CRIM1: variants seen among roughly 807,000 people sequenced by gnomAD.
CRIM1 encodes cysteine rich transmembrane BMP regulator 1, also known as cysteine-rich motor neuron 1 protein.
In CRIM1, 32 loss-of-function variants were observed where a neutral mutation model predicts 116.4. The observed-to-expected ratio is 0.27, with a 90% CI of 0.21 to 0.37. The LOEUF (loss-of-function observed/expected upper bound fraction) is 0.37, where lower values mean the gene tolerates loss of function less well. CRIM1 is among the 10% of genes least tolerant of loss of function. The pLI is 1.00. For missense variants in CRIM1, 1,331 were observed against 1,354.8 expected, an observed-to-expected ratio of 0.98 and a Z score of 0.28; for synonymous variants, 590 against 509.2, an observed-to-expected ratio of 1.16 and a Z score of -2.13.
At chr2:36,397,263 G>A (rs568972521) in intron 2 of CRIM1, among the ~76,000 whole-genome samples, 5 of 152,338 alleles carry the variant, frequency 3.3e-5, no homozygotes, top group South Asian at 4.1e-4. Context: ...CACATAGGGC[G>A]TGGAGGGATC....
intron 4 of CRIM1, among the ~76,000 whole-genome samples, chr2:36,461,821 C>G (rs1323568365): frequency 6.6e-6 from 1 of 152,130 alleles, no homozygotes; most frequent in African/African-American, 2.4e-5. Flanking sequence ...TGCTATTTGA[C>G]CATTTCGAAC....
intron 1 of CRIM1, 57 bp from the exon 2 acceptor site, chr2:36,396,557 A>C: frequency 8.1e-7 from 1 of 1,235,262 alleles, no homozygotes; most frequent in Non-Finnish European, 1.1e-6. Context: ...TTGCCCGCGA[A>C]CAGGCCTTTG....
At chr2:36,519,280 C>T (rs1461753048) in intron 12 of CRIM1, among the ~76,000 whole-genome samples, 1 of 152,172 alleles carries the variant, frequency 6.6e-6, no homozygotes, top group East Asian at 1.9e-4. Flanking sequence ...ACATGGGTGG[C>T]ATGTGCAGAG....
intron 7 of CRIM1, among the ~76,000 whole-genome samples, chr2:36,492,288 A>T (rs1357784152): frequency 6.6e-6 from 1 of 152,174 alleles, no homozygotes; most frequent in South Asian, 2.1e-4. Flanking sequence ...AATTACAAGG[A>T]TGTAGGTGTT....
At chr2:36,503,897 G>T (rs954731673) in intron 8 of CRIM1, among the ~76,000 whole-genome samples, 1 of 151,616 alleles carries the variant, frequency 6.6e-6, no homozygotes, top group South Asian at 2.1e-4. Context: ...TTTATACAGG[G>T]TCTTGCTTTG....
At chr2:36,427,884 C>G (rs1287537332) in intron 2 of CRIM1, among the ~76,000 whole-genome samples, 1 of 152,192 alleles carries the variant, frequency 6.6e-6, no homozygotes, top group Non-Finnish European at 1.5e-5. Context: ...CGAGGCTCCG[C>G]CTGTGTGGCT....
chr2:36,450,117 C>G (rs1481555102), intron 4 of CRIM1, among the ~76,000 whole-genome samples: 1 of 152,156 alleles, frequency 6.6e-6, no homozygotes, highest in African/African-American at 2.4e-5. Context: ...AAGGCTGACT[C>G]CGCAAGATAA....
At chr2:36,408,642 C>G (rs1243000756) in intron 2 of CRIM1, among the ~76,000 whole-genome samples, 1 of 152,232 alleles carries the variant, frequency 6.6e-6, no homozygotes, top group Admixed American at 6.5e-5. Flanking sequence ...CAGCCCCAGG[C>G]TTGTCTCCAT....
chr2:36,529,555 G>C (rs1277103548), intron 13 of CRIM1: 1 of 180,158 alleles, frequency 5.6e-6, no homozygotes, highest in Admixed American at 5.5e-5. Context: ...TTGGATTGTA[G>C]GCCCTACTAT....
intron 7 of CRIM1, 69 bp downstream of exon 7, chr2:36,479,763 G>C: frequency 6.8e-7 from 1 of 1,460,188 alleles, no homozygotes; most frequent in Non-Finnish European, 9.6e-7. Context: ...ACCAGCGTAC[G>C]TTCTTGTTTG....
At chr2:36,492,384 T>C (rs1572861260) in intron 7 of CRIM1, among the ~76,000 whole-genome samples, 1 of 152,206 alleles carries the variant, frequency 6.6e-6, no homozygotes, top group East Asian at 1.9e-4. Flanking sequence ...AAGAGACTTT[T>C]TTCCATGACT....
chr2:36,452,851 A>G (rs1468842593), intron 4 of CRIM1, among the ~76,000 whole-genome samples: 1 of 152,120 alleles, frequency 6.6e-6, no homozygotes, highest in Non-Finnish European at 1.5e-5. Context: ...AGTCGGACTG[A>G]GAGAAGGTAA....
rs1234198496 is a variant in CRIM1 at position 36,522,134 on chromosome 2, C to T, written c.2249C>T (p.Pro750Leu). The T allele has an allele frequency of 6.2e-7, 1 of 1,614,040 alleles. No individual in the cohort carries two copies. Among genetic ancestry groups the T allele is most frequent in the African/African-American group, 1.3e-5 (1 of 74,912 alleles). The change falls in exon 13 of 17, where the codon CCT (proline) becomes CTT (leucine). Residue 750 changes from proline (P) to leucine (L), a missense_variant. Around this residue, in one of 3 missense-constraint regions of CRIM1, gnomAD observed 358 missense variants for 436.1 expected, o/e 0.82. Transcript: ENST00000280527. ...TCCTTGTCCCGCAATAACAGCGTAC[C>T]TAATTACTGCAAAAATGATGAAGGG... The part of the protein sequence containing the change: ...RPSLSRNNSV[P>L]NYCKNDEGDI...
chr2:36,486,182 A>AT (rs1271145118), intron 7 of CRIM1, among the ~76,000 whole-genome samples: 2 of 152,326 alleles, frequency 1.3e-5, no homozygotes, highest in African/African-American at 2.4e-5. Flanking sequence ...AGATTTTGTG[A>AT]TTTTTCACAG....
At chr2:36,422,345 C>T (rs1002802644) in intron 2 of CRIM1, among the ~76,000 whole-genome samples, 1 of 151,898 alleles carries the variant, frequency 6.6e-6, no homozygotes, top group Admixed American at 6.6e-5. Context: ...GGGGATATAC[C>T]TGTACCAGTT....
intron 2 of CRIM1, among the ~76,000 whole-genome samples, chr2:36,403,783 G>A (rs1672587823): frequency 6.6e-6 from 1 of 152,118 alleles, no homozygotes. Flanking sequence ...GAAATACAAG[G>A]AGAGCAGCTT....
At chr2:36,465,407 C>G (rs1677928931) in intron 5 of CRIM1, among the ~76,000 whole-genome samples, 1 of 152,190 alleles carries the variant, frequency 6.6e-6, no homozygotes, top group African/African-American at 2.4e-5. Context: ...ATGTCAATAA[C>G]CATTCAGAGC....
At chr2:36,469,075 T>C (rs75158151) in intron 5 of CRIM1, among the ~76,000 whole-genome samples, 2,067 of 152,326 alleles carry the variant, frequency 0.014, 51 homozygotes, top group African/African-American at 0.048. Flanking sequence ...AACCATTTGT[T>C]CTGACAGCAT....
intron 7 of CRIM1, among the ~76,000 whole-genome samples, chr2:36,498,629 G>A (rs1680768659): frequency 6.6e-6 from 1 of 152,064 alleles, no homozygotes; most frequent in East Asian, 1.9e-4. Context: ...ATCTCCCTCT[G>A]CTCCCACAAG....
Sources: gnomAD v4.1 joint callset for allele counts (sites outside exome capture counted in the v4.1 genomes callset) on GRCh38, gnomAD v4.1.1 for gene constraint, gnomAD v4.1.1 regional missense constraint, MANE v1.5 for transcripts, NCBI Gene and HGNC (gene_info 2026-07-23, HGNC 2026-07-21) for gene names.